The following FAM227B variants were observed in gnomAD, a reference collection of about 807,000 sequenced individuals.
FAM227B encodes protein FAM227B.
In FAM227B, 88 loss-of-function variants were observed where a neutral mutation model predicts 73.8. The ratio of observed to expected loss-of-function variants is 1.19; its 90% CI spans 1.00 to 1.42. The LOEUF (loss-of-function observed/expected upper bound fraction) is 1.42. FAM227B is among the 40% of genes most tolerant of loss of function. The probability of loss-of-function intolerance (pLI) is 0.00; values close to 1 mark genes in which losing one functional copy is unlikely to be tolerated. For synonymous variants in FAM227B, 210 were observed against 190.5 expected, an observed-to-expected ratio of 1.10 and a Z score of -0.84; for missense variants, 632 against 590.9, an observed-to-expected ratio of 1.07 and a Z score of -0.72.
At chr15:49,341,133 T>C (rs557221397) in intron 13 of FAM227B, among the ~76,000 whole-genome samples, 2 of 152,334 alleles carry the variant, frequency 1.3e-5, no homozygotes, top group East Asian at 3.9e-4. Flanking sequence ...GTGTCTGTTG[T>C]TGTACCAGTA....
chr15:49,411,993 A>G (rs544037043), intron 11 of FAM227B, among the ~76,000 whole-genome samples: 1 of 152,216 alleles, frequency 6.6e-6, no homozygotes, highest in South Asian at 2.1e-4. Flanking sequence ...TATTGATTCA[A>G]TTAAACCAGG....
intron 11 of FAM227B, among the ~76,000 whole-genome samples, chr15:49,414,896 G>C (rs2049108989): frequency 1.3e-5 from 2 of 152,136 alleles, no homozygotes; most frequent in Non-Finnish European, 2.9e-5. Flanking sequence ...TTGAAGAGGA[G>C]CTTAAGCAGA....
intron 13 of FAM227B, among the ~76,000 whole-genome samples, chr15:49,339,375 C>T (rs2040314706): frequency 6.6e-6 from 1 of 152,172 alleles, no homozygotes; most frequent in African/African-American, 2.4e-5. Flanking sequence ...AGTTTTCCTT[C>T]TAACAGTCAG....
At chr15:49,608,387 G>C (rs1269156870) in intron 3 of FAM227B, among the ~76,000 whole-genome samples, 1 of 152,070 alleles carries the variant, frequency 6.6e-6, no homozygotes, top group Non-Finnish European at 1.5e-5. Context: ...AGAGTAGACA[G>C]ACAAAAGGGC....
intron 10 of FAM227B, among the ~76,000 whole-genome samples, chr15:49,524,053 GA>G (rs1167021717): frequency 1.3e-5 from 2 of 152,218 alleles, no homozygotes; most frequent in African/African-American, 4.8e-5. Flanking sequence ...TTATGCGACA[GA>G]AACGAAAATC....
intron 13 of FAM227B, 114 bp from the exon 14 acceptor site, chr15:49,335,610 G>C: frequency 1.5e-6 from 1 of 665,242 alleles, no homozygotes; most frequent in Non-Finnish European, 2.7e-6. Context: ...CAGTAATGAA[G>C]AGTCTCAAGT....
At chr15:49,595,716 T>C (rs543709534) in intron 3 of FAM227B, among the ~76,000 whole-genome samples, 9 of 147,634 alleles carry the variant, frequency 6.1e-5, no homozygotes, top group Non-Finnish European at 1.4e-4. Context: ...GGAATTAAAA[T>C]TAAATACAGA....
Position 49,508,248 on chromosome 15 carries a change from C to T in FAM227B, c.975G>A (p.Lys325=). 1 of 1,610,658 alleles carries T rather than the reference C, an allele frequency of 6.2e-7. No individual in the cohort carries two copies. Among genetic ancestry groups the T allele is most frequent in the Non-Finnish European group, 8.5e-7 (1 of 1,178,464 alleles). ...GSKKAPAKSV[K]ERIADSQEHI... ...GTTCTTGACTGTCTGCAATTCTTTC[C>T]TTTACTGATTTTGCAGGTGCTTTTT... Residue 325 remains lysine, a synonymous_variant, in exon 11 of 16, where the codon AAG becomes AAA. Coordinates refer to ENST00000299338, the MANE Select transcript of FAM227B (RefSeq NM_152647.3).
chr15:49,397,822 T>G (rs976897195), intron 11 of FAM227B, among the ~76,000 whole-genome samples: 4 of 152,184 alleles, frequency 2.6e-5, no homozygotes, highest in African/African-American at 7.2e-5. Flanking sequence ...CCACCAGGCC[T>G]GCCCTAAAAG....
At chr15:49,568,384 T>C in intron 8 of FAM227B, 38 bp from the exon 9 acceptor site, 1 of 1,498,552 alleles carries the variant, frequency 6.7e-7, no homozygotes, top group Non-Finnish European at 9.2e-7. Context: ...AATATTACAA[T>C]TTAAAACTGG....
chr15:49,528,163 T>C (rs1268152751), intron 10 of FAM227B, among the ~76,000 whole-genome samples: 1 of 151,750 alleles, frequency 6.6e-6, no homozygotes, highest in Non-Finnish European at 1.5e-5. Flanking sequence ...CATAGATCAA[T>C]GAAGCAAAAT....
intron 10 of FAM227B, among the ~76,000 whole-genome samples, chr15:49,522,685 T>A (rs1315141093): frequency 6.6e-6 from 1 of 151,856 alleles, no homozygotes; most frequent in Non-Finnish European, 1.5e-5. Context: ...AAGAAAAAAA[T>A]TTCAGAGCTT....
intron 13 of FAM227B, among the ~76,000 whole-genome samples, chr15:49,367,143 A>G (rs1016625146): frequency 6.6e-6 from 1 of 152,188 alleles, no homozygotes; most frequent in Non-Finnish European, 1.5e-5. Context: ...AAATGTTTGA[A>G]ACCAGTCACT....
At position 49,576,819 on chromosome 15, in the gene FAM227B, T is replaced by C. The variant is rs1483909983; in HGVS notation, c.468A>G (p.Ala156=). ...IEGCSFTGFK[A]NELTQLPRHL... Reference sequence around the variant, plus strand: ...GTCTGGGTAGCTGAGTAAGTTCATTTGCTTTGAATCCTGTGAAGCTGCAAC... The same window carrying C: ...GTCTGGGTAGCTGAGTAAGTTCATTCGCTTTGAATCCTGTGAAGCTGCAAC... The change falls in exon 7 of 16, where the codon GCA becomes GCG. Residue 156 remains alanine (A), a synonymous_variant. Transcript: ENST00000299338. 4 of 1,612,306 alleles carry C rather than the reference T, an allele frequency of 2.5e-6. No individual in the cohort carries two copies. The highest frequency in any genetic ancestry group is 2.5e-6 in the Non-Finnish European group (3 of 1,178,968).
intron 13 of FAM227B, among the ~76,000 whole-genome samples, chr15:49,354,386 C>CA (rs1476494044): frequency 6.6e-6 from 1 of 152,078 alleles, no homozygotes; most frequent in Non-Finnish European, 1.5e-5. Context: ...TCAGTGGGTG[C>CA]GCGCACCGTG....
chr15:49,576,738 T>A lies in FAM227B; in HGVS notation c.546+3A>T. ...CCTACAATAAAATGAAATATTTACA[T>A]ACATCAAAATTATGGGCTTTTAAAA... On this transcript the variant is annotated splice_donor_region_variant and intron_variant, in intron 7 of 15. Transcript: ENST00000299338. The A allele has an allele frequency of 6.8e-7, 1 of 1,461,964 alleles. No individual in the cohort carries two copies. The highest frequency in any genetic ancestry group is 1.1e-5 in the South Asian group (1 of 87,358). 90.6% of individuals were successfully genotyped at this position (1,461,964 alleles called of 1,614,324 possible).
intron 11 of FAM227B, chr15:49,488,541 C>A (rs2152041344): frequency 6.6e-6 from 1 of 152,060 alleles, no homozygotes; most frequent in African/African-American, 2.4e-5. Context: ...TGGGAAGATG[C>A]CTCTTATGTT....
chr15:49,553,920 G>T (rs554043843), intron 9 of FAM227B, among the ~76,000 whole-genome samples: 1 of 152,340 alleles, frequency 6.6e-6, no homozygotes, highest in East Asian at 1.9e-4. Context: ...CCTGAAGCCA[G>T]CAAGTCTCAG....
Position 49,560,449 on chromosome 15 carries a change from G to A in FAM227B, c.747+7796C>T, listed in dbSNP as rs545522228. Among the ~76,000 whole-genome samples the A allele has an allele frequency of 2.6e-5, 4 of 152,248 alleles. No individual in the cohort carries two copies. The South Asian group carries it at 6.2e-4, about 24-fold the overall frequency. ...AGAACAAGTTCACAACCTGGAAAAC[G>A]TATTTGAAAAAATAATTCAAGAAAA... On this transcript the variant is annotated intron_variant, in intron 9 of 15. Coordinates refer to ENST00000299338, the MANE Select transcript of FAM227B (RefSeq NM_152647.3).
Sources: allele counts gnomAD v4.1 joint callset (sites outside exome capture counted in the v4.1 genomes callset), GRCh38; gene constraint gnomAD v4.1.1; transcripts MANE v1.5; gene names NCBI Gene and HGNC (gene_info 2026-07-23, HGNC 2026-07-21).